The following HS3ST5 variants were observed in gnomAD, a reference collection of about 807,000 sequenced individuals.
HS3ST5 encodes heparan sulfate-glucosamine 3-sulfotransferase 5, also known as heparan sulfate glucosamine 3-O-sulfotransferase 5.
HS3ST5 carries 10 observed loss-of-function variants against 25.4 expected under a neutral mutation model. The ratio of observed to expected loss-of-function variants is 0.39; its 90% CI spans 0.24 to 0.67. HS3ST5 has a LOEUF of 0.67. Among genes scored for constraint, HS3ST5 ranks in the 30% least tolerant of loss-of-function variants. HS3ST5 has a pLI of 0.44. For synonymous variants in HS3ST5, 170 were observed against 162.4 expected (o/e 1.05, Z -0.36); for missense variants, 324 against 420.7 (o/e 0.77, Z 2.01).
chr6:114,160,193 T>C (rs75757540), intron 3 of HS3ST5, among the ~76,000 whole-genome samples: 1,872 of 152,238 alleles, frequency 0.012, 37 homozygotes, highest in African/African-American at 0.038. Context: ...TGAATGAAGA[T>C]AGTATACAGG....
At chr6:114,111,096 A>G (rs1228064870) in intron 3 of HS3ST5, among the ~76,000 whole-genome samples, 1 of 152,176 alleles carries the variant, frequency 6.6e-6, no homozygotes, top group Non-Finnish European at 1.5e-5. Context: ...TTAGTAAACT[A>G]TCGTTTTTTA....
intron 2 of HS3ST5, among the ~76,000 whole-genome samples, chr6:114,217,434 T>C (rs1020839152): frequency 1.3e-5 from 2 of 152,346 alleles, no homozygotes; most frequent in African/African-American, 2.4e-5. Context: ...TATATAGTTA[T>C]ATAATTATAT....
chr6:114,206,456 A>C (rs1416886888), intron 2 of HS3ST5, among the ~76,000 whole-genome samples: 1 of 152,200 alleles, frequency 6.6e-6, no homozygotes, highest in Non-Finnish European at 1.5e-5. Context: ...TAAAACTATC[A>C]TAAATTATAA....
intron 1 of HS3ST5, chr6:114,231,290 C>T (rs918543519): frequency 2.6e-5 from 4 of 152,176 alleles, no homozygotes; most frequent in Non-Finnish European, 4.4e-5. Context: ...CCAAGATCTT[C>T]GAGCTTTGAA....
chr6:114,327,890 T>C (rs1271114383), intron 1 of HS3ST5, among the ~76,000 whole-genome samples: 2 of 152,208 alleles, frequency 1.3e-5, no homozygotes, highest in Non-Finnish European at 2.9e-5. Flanking sequence ...CATCTACCTA[T>C]GCATTATGGA....
At chr6:114,145,311 G>C (rs1473118444) in intron 3 of HS3ST5, among the ~76,000 whole-genome samples, 1 of 152,130 alleles carries the variant, frequency 6.6e-6, no homozygotes, top group Non-Finnish European at 1.5e-5. Context: ...CATCTCTCCA[G>C]GAATAGAGTT....
intron 1 of HS3ST5, among the ~76,000 whole-genome samples, chr6:114,295,117 G>C (rs1774759866): frequency 6.6e-6 from 1 of 152,096 alleles, no homozygotes; most frequent in Admixed American, 6.5e-5. Context: ...TTCTGAGAGA[G>C]TGTGTGCCTA....
At chr6:114,075,534 G>C (rs1049170127) in intron 3 of HS3ST5, among the ~76,000 whole-genome samples, 1 of 152,184 alleles carries the variant, frequency 6.6e-6, no homozygotes, top group Non-Finnish European at 1.5e-5. Context: ...GTGCGTTTAC[G>C]TGGGGCTGTG....
chr6:114,160,476 C>A (rs192785732), intron 3 of HS3ST5, among the ~76,000 whole-genome samples: 1 of 152,098 alleles, frequency 6.6e-6, no homozygotes, highest in African/African-American at 2.4e-5. Flanking sequence ...CCTCCCCCAA[C>A]TACATTTAGA....
intron 3 of HS3ST5, among the ~76,000 whole-genome samples, chr6:114,120,500 G>A (rs1776738081): frequency 6.6e-6 from 1 of 151,746 alleles, no homozygotes; most frequent in Non-Finnish European, 1.5e-5. Flanking sequence ...AAAAATGTTT[G>A]TGTGTGTGTG....
intron 1 of HS3ST5, among the ~76,000 whole-genome samples, chr6:114,318,990 TTTG>T (rs1455516046): frequency 2.6e-5 from 4 of 152,182 alleles, no homozygotes; most frequent in Non-Finnish European, 4.4e-5. Context: ...TTTGTTTTGC[TTTG>T]TTATTTGTTT....
intron 1 of HS3ST5, among the ~76,000 whole-genome samples, chr6:114,338,598 C>A (rs2114939546): frequency 6.6e-6 from 1 of 152,044 alleles, no homozygotes; most frequent in East Asian, 1.9e-4. Context: ...CATATGTAAT[C>A]TTTTACTCTA....
chr6:114,058,409 AT>A (rs1562178247), intron 4 of HS3ST5, among the ~76,000 whole-genome samples: 1 of 152,178 alleles, frequency 6.6e-6, no homozygotes, highest in Non-Finnish European at 1.5e-5. Context: ...GCTCCTTAAA[AT>A]TTTTTATTCT....
chr6:114,232,045 A>T (rs2492890), intron 1 of HS3ST5, among the ~76,000 whole-genome samples: 148,340 of 152,328 alleles, frequency 0.97, 72,355 homozygotes, highest in East Asian at 1. Context: ...CTTAGTATTT[A>T]CATTACTTTC....
intron 3 of HS3ST5, among the ~76,000 whole-genome samples, chr6:114,125,798 A>G (rs1230353283): frequency 6.6e-6 from 1 of 152,178 alleles, no homozygotes; most frequent in East Asian, 1.9e-4. Flanking sequence ...TTTCCTGCTG[A>G]CTTCTTGTCA....
chr6:114,068,588 T>C (rs1773602368), intron 3 of HS3ST5, among the ~76,000 whole-genome samples: 1 of 152,234 alleles, frequency 6.6e-6, no homozygotes, highest in South Asian at 2.1e-4. Flanking sequence ...CGGACAATGC[T>C]GTTAAATCGG....
At chr6:114,308,303 T>C (rs1775380963) in intron 1 of HS3ST5, among the ~76,000 whole-genome samples, 1 of 152,076 alleles carries the variant, frequency 6.6e-6, no homozygotes, top group Non-Finnish European at 1.5e-5. Flanking sequence ...AACTAGATGG[T>C]GGCAGGGCGC....
rs1207846087 is a variant in HS3ST5 at position 114,069,038 on chromosome 6, G to A, written c.-32-6161C>T. Among the ~76,000 whole-genome samples the A allele has an allele frequency of 4.6e-5, 7 of 152,240 alleles. No homozygotes were observed. In the East Asian group the frequency reaches 1.2e-3, roughly 25 times the overall value. ...TCCCCAGATGAAACAAAGAAATAAGGAGATTCAAAAATAATAATAATAAAG... is the reference window on the plus strand; with the variant it reads ...TCCCCAGATGAAACAAAGAAATAAGAAGATTCAAAAATAATAATAATAAAG... On this transcript the variant is annotated intron_variant, in intron 3 of 4. Transcript: ENST00000312719.
At chr6:114,129,634 C>T (rs895945071) in intron 3 of HS3ST5, among the ~76,000 whole-genome samples, 6 of 152,170 alleles carry the variant, frequency 3.9e-5, no homozygotes, top group African/African-American at 1.2e-4. Flanking sequence ...TAGGAGAGCT[C>T]AGTAACATCA....
Sources: allele counts gnomAD v4.1 joint callset (sites outside exome capture counted in the v4.1 genomes callset), GRCh38; gene constraint gnomAD v4.1.1; transcripts MANE v1.5; gene names NCBI Gene and HGNC (gene_info 2026-07-23, HGNC 2026-07-21).